Variants in EDA observed in about 807,000 individuals in gnomAD.
The protein encoded by EDA is ectodysplasin A, also known as ectodysplasin-A.
A neutral mutation model predicts 23.6 loss-of-function variants in EDA; 2 were observed. That is an observed-to-expected ratio of 0.08 (90% confidence interval 0.03 to 0.27). The LOEUF (loss-of-function observed/expected upper bound fraction) is 0.27. Among genes scored for constraint, EDA ranks in the 10% least tolerant of loss-of-function variants. The pLI, the probability that EDA is intolerant of heterozygous loss-of-function variation, is 1.00. For synonymous variants in EDA, 131 were observed against 132.0 expected, an observed-to-expected ratio of 0.99 and a Z score of 0.05; for missense variants, 229 against 324.2, an observed-to-expected ratio of 0.71 and a Z score of 2.26.
chrX:69,955,297 T>C (rs1282855162), intron 1 of EDA, among the ~76,000 whole-genome samples: 1 of 112,156 alleles, frequency 8.9e-6, no homozygotes, highest in Non-Finnish European at 1.9e-5. Context: ...CCATGTGAAA[T>C]TGTTGATTGA....
At chrX:69,775,208 T>C (rs1461759920) in intron 1 of EDA, among the ~76,000 whole-genome samples, 2 of 111,762 alleles carry the variant, frequency 1.8e-5, no homozygotes, top group African/African-American at 6.5e-5. Flanking sequence ...ATGTTTGGGC[T>C]CACTGCCCCA....
At chrX:69,939,272 G>A (rs181260370) in intron 1 of EDA, among the ~76,000 whole-genome samples, 113 of 110,997 alleles carry the variant, frequency 1.0e-3, no homozygotes, top group African/African-American at 3.4e-3. Context: ...AATTTCTTAC[G>A]TCAATGTTTT....
intron 1 of EDA, among the ~76,000 whole-genome samples, chrX:69,751,746 C>T (rs2013880696): frequency 9.0e-6 from 1 of 111,271 alleles, no homozygotes; most frequent in Admixed American, 9.5e-5. Flanking sequence ...CTTCACATCC[C>T]TTGTAAGTCG....
intron 1 of EDA, among the ~76,000 whole-genome samples, chrX:69,783,648 T>C (rs1365242145): frequency 1.8e-5 from 2 of 111,659 alleles, no homozygotes; most frequent in East Asian, 5.6e-4. Context: ...TAGTATTCCA[T>C]GGTGTATATG....
chrX:69,815,678 G>A (rs978771621), intron 1 of EDA, among the ~76,000 whole-genome samples: 1 of 112,300 alleles, frequency 8.9e-6, no homozygotes, highest in African/African-American at 3.2e-5. Flanking sequence ...ACAAATCTCT[G>A]ATCTCTCCCT....
intron 1 of EDA, among the ~76,000 whole-genome samples, chrX:69,791,404 G>A (rs2015401811): frequency 9.0e-6 from 1 of 111,104 alleles, no homozygotes; most frequent in South Asian, 3.8e-4. Context: ...GAGACACAGA[G>A]AGGTAAAGTG....
chrX:69,949,570 T>C (rs1165405655), intron 1 of EDA, among the ~76,000 whole-genome samples: 1 of 111,664 alleles, frequency 9.0e-6, no homozygotes, highest in African/African-American at 3.3e-5. Flanking sequence ...TTCTCATTCT[T>C]AGGATCCTTT....
intron 1 of EDA, among the ~76,000 whole-genome samples, chrX:69,784,325 G>C (rs1490528402): frequency 3.9e-5 from 4 of 102,842 alleles, no homozygotes; most frequent in African/African-American, 1.1e-4. Context: ...TTTGTCTTTT[G>C]TTGCCATTGC....
rs2011672566 is a variant in EDA, at chrX:69,705,250, A to T, written c.396+88546A>T. Among the ~76,000 whole-genome samples, 6 of 110,050 alleles carry T rather than the reference A, an allele frequency of 5.5e-5. No individual in the cohort carries two copies. The South Asian group carries it at 2.3e-3, about 43-fold the overall frequency. On this transcript the variant is annotated intron_variant, in intron 1 of 7. Coordinates refer to ENST00000374552, the MANE Select transcript of EDA (RefSeq NM_001399.5). ...AAAAAAAAAAAAAAAGAAAGAAAGA[A>T]AAAAGAAAAACAGCAAAATACAGAG...
intron 1 of EDA, chrX:69,617,785 C>T (rs774344065): frequency 2.1e-5 from 7 of 337,175 alleles, no homozygotes; most frequent in African/African-American, 1.9e-4. Context: ...CCCAAGCCTT[C>T]TATATTTACT....
At chrX:70,000,061 G>A (rs1051975636) in intron 2 of EDA, among the ~76,000 whole-genome samples, 7 of 111,978 alleles carry the variant, frequency 6.3e-5, no homozygotes, top group Admixed American at 1.9e-4. Flanking sequence ...CTTAGTAAAC[G>A]AGGAATAAAA....
At chrX:69,678,508 T>C (rs1168376579) in intron 1 of EDA, among the ~76,000 whole-genome samples, 2 of 111,290 alleles carry the variant, frequency 1.8e-5, no homozygotes, top group African/African-American at 6.5e-5. Flanking sequence ...TGAGCAGTGG[T>C]TTGTAGTTCT....
intron 1 of EDA, among the ~76,000 whole-genome samples, chrX:69,650,991 T>A (rs1268102764): frequency 9.0e-6 from 1 of 111,177 alleles, no homozygotes; most frequent in African/African-American, 3.3e-5. Flanking sequence ...GGGGGAAAGT[T>A]AGGCAAGATG....
At chrX:69,843,982 A>C (rs1048513348) in intron 1 of EDA, among the ~76,000 whole-genome samples, 2 of 97,640 alleles carry the variant, frequency 2.0e-5, no homozygotes, top group Admixed American at 2.4e-4. Flanking sequence ...AGATCGCGCC[A>C]CTGCACTCCA....
At chrX:69,752,895 T>G (rs1457890380) in intron 1 of EDA, among the ~76,000 whole-genome samples, 1 of 112,221 alleles carries the variant, frequency 8.9e-6, no homozygotes, top group Non-Finnish European at 1.9e-5. Flanking sequence ...TGATGGTAGT[T>G]TGTATATCTG....
chrX:69,928,397 A>C (rs1413512343), intron 1 of EDA, among the ~76,000 whole-genome samples: 3 of 112,028 alleles, frequency 2.7e-5, no homozygotes, highest in African/African-American at 9.7e-5. Context: ...ATTCCACAGT[A>C]GTATTTTGGT....
At chrX:69,929,081 C>A (rs1477085516) in intron 1 of EDA, among the ~76,000 whole-genome samples, 1 of 111,534 alleles carries the variant, frequency 9.0e-6, no homozygotes, top group Non-Finnish European at 1.9e-5. Flanking sequence ...CTAATCAATT[C>A]TCAAGCATGA....
chrX:69,647,645 C>G (rs1423520910), intron 1 of EDA, among the ~76,000 whole-genome samples: 3 of 111,652 alleles, frequency 2.7e-5, no homozygotes, highest in Admixed American at 1.9e-4. Context: ...GCTCCTTTAG[C>G]TCAGCAAAGT....
At chrX:69,768,113 T>A (rs754233705) in intron 1 of EDA, among the ~76,000 whole-genome samples, 1 of 111,696 alleles carries the variant, frequency 9.0e-6, no homozygotes, top group South Asian at 3.7e-4. Context: ...ACATATACGT[T>A]CTGTTAATAG....
Sources: allele counts gnomAD v4.1 joint callset (sites outside exome capture counted in the v4.1 genomes callset), GRCh38; gene constraint gnomAD v4.1.1; transcripts MANE v1.5; gene names NCBI Gene and HGNC (gene_info 2026-07-23, HGNC 2026-07-21).